FER: variants seen among roughly 807,000 people sequenced by gnomAD.
FER encodes the protein FER tyrosine kinase.
FER carries 63 observed loss-of-function variants against 111.0 expected under a neutral mutation model. That is an observed-to-expected ratio of 0.57 (90% CI 0.46 to 0.70). FER has a LOEUF of 0.70. Among genes scored for constraint, FER ranks in the 30% least tolerant of loss-of-function variants. The pLI is 0.00. For synonymous variants in FER, 327 were observed against 313.9 expected (o/e 1.04, Z -0.44); for missense variants, 914 against 954.0 (o/e 0.96, Z 0.55).
At chr5:109,091,400 A>G in intron 16 of FER, among the ~76,000 whole-genome samples, 1 of 152,188 alleles carries the variant, frequency 6.6e-6, no homozygotes, top group East Asian at 1.9e-4. Context: ...TGGTGTCCAT[A>G]TGGTGCTAAC....
At chr5:108,929,786 C>T (rs1362753919) in intron 10 of FER, among the ~76,000 whole-genome samples, 4 of 151,982 alleles carry the variant, frequency 2.6e-5, no homozygotes, top group Non-Finnish European at 4.4e-5. Context: ...AGGGGAAAAA[C>T]GTACAAAATA....
chr5:109,141,357 C>CT (rs1419387705), intron 17 of FER, among the ~76,000 whole-genome samples: 2 of 152,204 alleles, frequency 1.3e-5, no homozygotes, highest in African/African-American at 4.8e-5. Flanking sequence ...AGCATTCTTT[C>CT]TTTCCTCTGC....
chr5:109,147,800 T>TATATATAGAG (rs1487827199), intron 17 of FER, among the ~76,000 whole-genome samples: 2 of 118,608 alleles, frequency 1.7e-5, no homozygotes, highest in South Asian at 2.8e-4. Context: ...TATATATATA[T>TATATATAGAG]AGAGAGAGAG....
At chr5:109,041,138 G>C (rs886343771) in intron 14 of FER, among the ~76,000 whole-genome samples, 1 of 152,080 alleles carries the variant, frequency 6.6e-6, no homozygotes, top group African/African-American at 2.4e-5. Flanking sequence ...CCCCCTAAGG[G>C]TTTGTGTTCA....
At chr5:109,012,596 C>A (rs1417007074) in intron 13 of FER, among the ~76,000 whole-genome samples, 1 of 152,164 alleles carries the variant, frequency 6.6e-6, no homozygotes, top group East Asian at 1.9e-4. Flanking sequence ...AAATTTGAGA[C>A]CTGTGTGGTA....
intron 13 of FER, among the ~76,000 whole-genome samples, chr5:108,967,393 T>C (rs780139648): frequency 2.6e-5 from 4 of 152,218 alleles, no homozygotes; most frequent in Non-Finnish European, 4.4e-5. Context: ...GGGGAGTGTG[T>C]GCTGATTGGT....
At chr5:108,984,433 C>A (rs1274186493) in intron 13 of FER, among the ~76,000 whole-genome samples, 1 of 151,980 alleles carries the variant, frequency 6.6e-6, no homozygotes, top group Non-Finnish European at 1.5e-5. Flanking sequence ...GGGAATAAAG[C>A]TGAAGAGTAT....
rs370295789 is a variant in FER, at chr5:108,861,033, T to C, written c.482-6734T>C. 3.3e-4 allele frequency among the ~76,000 whole-genome samples: 50 copies of C among 152,282 alleles called. No individual in the cohort carries two copies. In the South Asian group the frequency reaches 0.01, roughly 32 times the overall value. On this transcript the variant is annotated intron_variant, in intron 5 of 19. Coordinates refer to ENST00000281092, the MANE Select transcript of FER (RefSeq NM_005246.4). Reference sequence around the variant, plus strand: ...TCCACCTGGTCCTTCCCTTGATACATGGGAATTATAGGGATTATAATTCCA... The same window carrying C: ...TCCACCTGGTCCTTCCCTTGATACACGGGAATTATAGGGATTATAATTCCA...
intron 3 of FER, among the ~76,000 whole-genome samples, chr5:108,806,892 G>A (rs1053862460): frequency 3.9e-5 from 6 of 152,086 alleles, no homozygotes; most frequent in African/African-American, 1.4e-4. Context: ...TAAGACTTTG[G>A]GGGACTGTTG....
intron 9 of FER, among the ~76,000 whole-genome samples, chr5:108,887,398 A>G (rs548743034): frequency 2.4e-4 from 37 of 151,824 alleles, no homozygotes; most frequent in African/African-American, 8.4e-4. Context: ...TAATATGAAG[A>G]GAAAAATAAA....
chr5:108,765,932 A>ATT (rs759888534), intron 1 of FER, among the ~76,000 whole-genome samples: 1 of 144,726 alleles, frequency 6.9e-6, no homozygotes. Context: ...TCATGACTGA[A>ATT]TTTTTTTTTT....
intron 10 of FER, among the ~76,000 whole-genome samples, chr5:108,902,736 G>A (rs890226936): frequency 1.3e-5 from 2 of 152,198 alleles, no homozygotes; most frequent in East Asian, 3.9e-4. Flanking sequence ...TTGCTTATGT[G>A]TTGTTGAATT....
At position 108,821,432 on chromosome 5, in the gene FER, G is replaced by A. The variant is rs530606593; in HGVS notation, c.208-11338G>A. On this transcript the variant is annotated intron_variant, in intron 3 of 19. Coordinates refer to ENST00000281092, the MANE Select transcript of FER (RefSeq NM_005246.4). ...AGAACTCATTACAATGAGTTATACC[G>A]TTGAAGGAGTTTCATATATGTAAAC... Among the ~76,000 whole-genome samples, 21 of 152,154 alleles carry A rather than the reference G, an allele frequency of 1.4e-4. No homozygotes were observed. The East Asian group carries it at 1.5e-3, about 11-fold the overall frequency.
chr5:109,133,238 T>C (rs1256314549), intron 17 of FER, among the ~76,000 whole-genome samples: 1 of 152,138 alleles, frequency 6.6e-6, no homozygotes, highest in Non-Finnish European at 1.5e-5. Flanking sequence ...CAGAAAGTGT[T>C]CCTTTTAGAG....
intron 5 of FER, among the ~76,000 whole-genome samples, chr5:108,850,394 A>C (rs1357617147): frequency 6.6e-6 from 1 of 152,062 alleles, no homozygotes; most frequent in African/African-American, 2.4e-5. Context: ...AAATAATTGA[A>C]GTTTTTGTAT....
At position 108,798,278 on chromosome 5, in the gene FER, G is replaced by A. The variant is rs1756264496; in HGVS notation, c.96G>A (p.Met32Ile). The A allele has an allele frequency of 6.2e-7, 1 of 1,613,684 alleles. No individual in the cohort carries two copies. Among genetic ancestry groups the A allele is most frequent in the African/African-American group, 1.3e-5 (1 of 74,882 alleles). The change falls in exon 3 of 20, where the codon ATG becomes ATA. Residue 32 changes from methionine (M) to isoleucine (I), a missense_variant. Around this residue, in one of 3 missense-constraint regions of FER, gnomAD observed 774 missense variants for 782.6 expected, o/e 0.99. Transcript: ENST00000281092. ...TACTGGAAACAGTAAAGAAATTTAT[G>A]GCCCTGAGAATAAAAAGTGATAAAG... is the stretch of plus-strand genomic sequence containing the variant. Reference protein sequence around the residue: ...LRLLETVKKFMALRIKSDKEY... With the variant: ...LRLLETVKKFIALRIKSDKEY...
At chr5:108,916,442 A>ACC (rs151272066) in intron 10 of FER, among the ~76,000 whole-genome samples, 6 of 151,836 alleles carry the variant, frequency 4.0e-5, no homozygotes, top group East Asian at 3.9e-4. Context: ...TAATTTGGGT[A>ACC]CCCCCCCGAC....
chr5:108,809,155 A>G (rs1007177156), intron 3 of FER, among the ~76,000 whole-genome samples: 3 of 151,986 alleles, frequency 2.0e-5, no homozygotes, highest in Non-Finnish European at 4.4e-5. Context: ...GATTAGGGAA[A>G]CTTTTTTTGT....
rs975099628 is a variant in FER at position 108,767,682 on chromosome 5, G to A, written c.-205-411G>A. Among the ~76,000 whole-genome samples, 4 of 152,244 alleles carry A rather than the reference G, an allele frequency of 2.6e-5. No individual in the cohort carries two copies. The South Asian group carries it at 8.3e-4, about 32-fold the overall frequency. ...AAACTTATAGAGACTAGGTTTCACT[G>A]TGTTGCCCAGGCTGGCCTCGAACTC... On this transcript the variant is annotated intron_variant, in intron 1 of 19. Coordinates refer to ENST00000281092, the MANE Select transcript of FER (RefSeq NM_005246.4).
Sources: gnomAD v4.1 joint callset for allele counts (sites outside exome capture counted in the v4.1 genomes callset) on GRCh38, gnomAD v4.1.1 for gene constraint, gnomAD v4.1.1 regional missense constraint, MANE v1.5 for transcripts, NCBI Gene and HGNC (gene_info 2026-07-23, HGNC 2026-07-21) for gene names.